Variants in KPNA6 observed in about 807,000 individuals in gnomAD.
KPNA6 encodes importin subunit alpha-7.
Under a neutral mutation model 72.0 loss-of-function variants are expected in KPNA6, and 9 were observed. The ratio of observed to expected loss-of-function variants is 0.13; its 90% CI spans 0.08 to 0.22. The LOEUF (loss-of-function observed/expected upper bound fraction) is 0.22, where lower values mean the gene tolerates loss of function less well. Ranked by LOEUF, KPNA6 falls within the 10% of genes least tolerant of loss-of-function variation. The pLI is 1.00. For missense variants in KPNA6, 374 were observed against 655.7 expected, an observed-to-expected ratio of 0.57 and a Z score of 4.69; for synonymous variants, 219 against 242.1, an observed-to-expected ratio of 0.90 and a Z score of 0.89.
chr1:32,167,064 A>G lies in KPNA6; in HGVS notation c.1117-105A>G, dbSNP rs1031242735. ...ATAGGAAGAACAAAAGAAAACTCCC[A>G]GAATGGGGAAGATGTCTAAGTCTCA... On this transcript the variant is annotated intron_variant, in intron 11 of 13. Transcript: ENST00000373625. The G allele has an allele frequency of 4.2e-6, 6 of 1,414,240 alleles. No individual in the cohort carries two copies. In the Admixed American group the frequency reaches 1.2e-4, roughly 29 times the overall value. 87.6% of individuals were successfully genotyped at this position (1,414,240 alleles called of 1,614,324 possible).
Position 32,161,976 on chromosome 1 carries a change from T to C in KPNA6, c.677T>C (p.Met226Thr), listed in dbSNP as rs965307012. Residue 226 changes from methionine (M) to threonine (T), a missense_variant, in exon 8 of 14, where the codon ATG becomes ACG. Met to Thr is a moderately conservative substitution (Grantham distance 81). Around this residue, in one of 3 missense-constraint regions of KPNA6, gnomAD observed 298 missense variants for 495.4 expected, o/e 0.60. Transcript: ENST00000373625. Reference sequence around the variant, plus strand: ...CTTACCAAGTCCACACGACTGACGATGACACGGAATGCAGTCTGGGCCCTG... The same window carrying C: ...CTTACCAAGTCCACACGACTGACGACGACACGGAATGCAGTCTGGGCCCTG... ...TLLTKSTRLT[M>T]TRNAVWALSN... is the part of the protein sequence containing the mutation. The C allele has an allele frequency of 1.2e-6, 2 of 1,614,148 alleles. No individual in the cohort carries two copies. The highest frequency in any genetic ancestry group is 1.3e-5 in the African/African-American group (1 of 75,060).
chr1:32,138,253 G>A (rs1197792561), intron 1 of KPNA6, among the ~76,000 whole-genome samples: 1 of 152,040 alleles, frequency 6.6e-6, no homozygotes, highest in African/African-American at 2.4e-5. Context: ...TAAAAGTAGA[G>A]GTGGAAGCTG....
intron 1 of KPNA6, among the ~76,000 whole-genome samples, chr1:32,141,292 A>G (rs969951976): frequency 6.7e-5 from 10 of 149,226 alleles, no homozygotes; most frequent in Admixed American, 4.0e-4. Context: ...CACTATGGCA[A>G]TCTTGCTACT....
Position 32,132,568 on chromosome 1 carries a change from T to C in KPNA6, c.5-22020T>C, listed in dbSNP as rs140359076. 5.6e-3 allele frequency among the ~76,000 whole-genome samples: 856 copies of C among 151,938 alleles called. 12 individuals carry two copies. The highest frequency in any genetic ancestry group is 0.02 in the African/African-American group (827 of 41,480). On this transcript the variant is annotated intron_variant, in intron 1 of 13. Transcript: ENST00000373625. ...ACCTCCCAAAGTGGGAACACAGGCGTGAGCCACCATTTCCAGTCAGTGCAG... is the reference window on the plus strand; with the variant it reads ...ACCTCCCAAAGTGGGAACACAGGCGCGAGCCACCATTTCCAGTCAGTGCAG...
chr1:32,119,018 ATATATATATATATATT>A (rs1447024740), intron 1 of KPNA6, among the ~76,000 whole-genome samples: 2 of 69,634 alleles, frequency 2.9e-5, no homozygotes, highest in African/African-American at 1.7e-4. Flanking sequence ...ATATATATAT[ATATATATATATATATT>A]TTTTTTTTTT....
chr1:32,164,513 G>T (rs777189657), intron 10 of KPNA6, among the ~76,000 whole-genome samples: 2 of 151,652 alleles, frequency 1.3e-5, no homozygotes, highest in African/African-American at 4.8e-5. Context: ...GCATGTTCCA[G>T]TTTCCCCACA....
chr1:32,139,757 A>G (rs1641805956), intron 1 of KPNA6, among the ~76,000 whole-genome samples: 1 of 152,232 alleles, frequency 6.6e-6, no homozygotes, highest in Non-Finnish European at 1.5e-5. Context: ...GTTTGCAGAT[A>G]CATACTGAAA....
At chr1:32,121,229 T>C (rs1641428550) in intron 1 of KPNA6, among the ~76,000 whole-genome samples, 1 of 152,194 alleles carries the variant, frequency 6.6e-6, no homozygotes, top group East Asian at 1.9e-4. Flanking sequence ...TGGCAGCAGC[T>C]GAGATGGTAA....
intron 1 of KPNA6, among the ~76,000 whole-genome samples, chr1:32,111,220 A>T (rs867385847): frequency 6.6e-6 from 1 of 152,248 alleles, no homozygotes; most frequent in Non-Finnish European, 1.5e-5. Flanking sequence ...ACTCAGTTTT[A>T]TAGATTGGGA....
chr1:32,156,816 CAG>C (rs755681473), intron 2 of KPNA6, 35 bp from the exon 3 acceptor site: 1 of 1,438,508 alleles, frequency 7.0e-7, no homozygotes, highest in South Asian at 1.1e-5. Flanking sequence ...TTCTTTGGTT[CAG>C]AGAGTACTCT....
At chr1:32,128,390 TATATATATATATATA>T (rs1641573644) in intron 1 of KPNA6, among the ~76,000 whole-genome samples, 1 of 36,836 alleles carries the variant, frequency 2.7e-5, no homozygotes, top group African/African-American at 1.2e-4. Flanking sequence ...TATGTATTTA[TATATATATATATATA>T]TATATATATA....
At chr1:32,148,954 A>G (rs1641980814) in intron 1 of KPNA6, among the ~76,000 whole-genome samples, 4 of 151,856 alleles carry the variant, frequency 2.6e-5, no homozygotes, top group Admixed American at 2.6e-4. Context: ...CAGCCTCCAA[A>G]ATTGCTGGGA....
At chr1:32,115,887 G>T (rs1032709386) in intron 1 of KPNA6, among the ~76,000 whole-genome samples, 3 of 151,726 alleles carry the variant, frequency 2.0e-5, no homozygotes, top group African/African-American at 7.3e-5. Flanking sequence ...AGGATAACAG[G>T]TGCCCGCCAC....
chr1:32,121,818 C>A lies in KPNA6; in HGVS notation c.4+13684C>A, dbSNP rs529442835. On this transcript the variant is annotated intron_variant, in intron 1 of 13. Coordinates refer to ENST00000373625, the MANE Select transcript of KPNA6 (RefSeq NM_012316.5). ...TGAAACCCCAGATCTACTAAAAATA[C>A]AAAAGTTAACCGGGCGTGGTGGTGT... Among the ~76,000 whole-genome samples the A allele has an allele frequency of 3.7e-4, 56 of 151,284 alleles. 1 individual carries two copies. Among genetic ancestry groups the A allele is most frequent in the Admixed American group, 4.6e-4 (7 of 15,138 alleles).
chr1:32,143,750 G>A (rs1413916485), intron 1 of KPNA6, among the ~76,000 whole-genome samples: 3 of 151,954 alleles, frequency 2.0e-5, no homozygotes, highest in South Asian at 4.1e-4. Context: ...CCCACTAAGC[G>A]ATAACTCCCT....
chr1:32,146,033 C>G (rs988691019), intron 1 of KPNA6, among the ~76,000 whole-genome samples: 1 of 152,148 alleles, frequency 6.6e-6, no homozygotes, highest in Non-Finnish European at 1.5e-5. Flanking sequence ...TAACATATGG[C>G]CTATCCTGGA....
intron 1 of KPNA6, among the ~76,000 whole-genome samples, chr1:32,146,088 G>A (rs1641924606): frequency 6.6e-6 from 1 of 152,134 alleles, no homozygotes; most frequent in Non-Finnish European, 1.5e-5. Flanking sequence ...TTATTGGGTG[G>A]AATGCCTTGT....
chr1:32,130,970 G>A (rs1641625748), intron 1 of KPNA6, among the ~76,000 whole-genome samples: 1 of 152,092 alleles, frequency 6.6e-6, no homozygotes, highest in East Asian at 1.9e-4. Context: ...AGACCTAAAT[G>A]TAAGAACTAA....
Position 32,172,137 on chromosome 1 carries a change from A to G in KPNA6, c.*1243A>G, listed in dbSNP as rs1642450229. The G allele has an allele frequency of 6.6e-6, 1 of 152,160 alleles. No individual in the cohort carries two copies. Among genetic ancestry groups the G allele is most frequent in the Non-Finnish European group, 1.5e-5 (1 of 68,036 alleles). The allele number at this position is 152,160 out of a possible 1,614,324, so 9.4% of individuals were successfully genotyped here. A position where few individuals can be genotyped will look rare whatever the true frequency, so the allele number is the denominator to read the frequency against. On this transcript the variant is annotated 3_prime_UTR_variant, in exon 14 of 14. Coordinates refer to ENST00000373625, the MANE Select transcript of KPNA6 (RefSeq NM_012316.5). ...ACTGTCTGTCATTTCGGTAAGTAGG[A>G]TACTGTGAGGAAGACCAAAAAGAGA...
Sources: gnomAD v4.1 joint callset for allele counts (sites outside exome capture counted in the v4.1 genomes callset) on GRCh38, gnomAD v4.1.1 for gene constraint, gnomAD v4.1.1 regional missense constraint, MANE v1.5 for transcripts, NCBI Gene and HGNC (gene_info 2026-07-23, HGNC 2026-07-21) for gene names.